SAMD4A: variants seen among roughly 807,000 people sequenced by gnomAD.
SAMD4A encodes the protein protein Smaug homolog 1.
SAMD4A carries 33 observed loss-of-function variants against 81.3 expected under a neutral mutation model. The ratio of observed to expected loss-of-function variants is 0.41; its 90% CI spans 0.31 to 0.54. The LOEUF (loss-of-function observed/expected upper bound fraction) is 0.54, where lower values mean the gene tolerates loss of function less well. Among genes scored for constraint, SAMD4A ranks in the 20% least tolerant of loss-of-function variants. The probability of loss-of-function intolerance (pLI) is 0.37; values close to 1 mark genes in which losing one functional copy is unlikely to be tolerated. For synonymous variants in SAMD4A, 389 were observed against 382.1 expected (o/e 1.02, Z -0.21); for missense variants, 854 against 951.1 (o/e 0.90, Z 1.34).
intron 2 of SAMD4A, among the ~76,000 whole-genome samples, chr14:54,674,846 TC>T (rs1566578182): frequency 6.6e-6 from 1 of 152,156 alleles, no homozygotes; most frequent in African/African-American, 2.4e-5. Flanking sequence ...CTCCTGGAAA[TC>T]AAGTGATCCT....
chr14:54,713,951 T>C (rs2037054983), intron 3 of SAMD4A, among the ~76,000 whole-genome samples: 1 of 152,200 alleles, frequency 6.6e-6, no homozygotes, highest in African/African-American at 2.4e-5. Flanking sequence ...ATCTATAAAA[T>C]GAGAATAAAT....
intron 2 of SAMD4A, among the ~76,000 whole-genome samples, chr14:54,626,049 TGTGTGTGTGTGCGC>T (rs1269598410): frequency 6.9e-4 from 89 of 128,260 alleles, no homozygotes; most frequent in African/African-American, 2.5e-3. Context: ...TGTGTGTGTG[TGTGTGTGTGTGCGC>T]GCGCGCGCGC....
chr14:54,653,129 T>A (rs1162341929), intron 2 of SAMD4A, among the ~76,000 whole-genome samples: 1 of 151,840 alleles, frequency 6.6e-6, no homozygotes, highest in Non-Finnish European at 1.5e-5. Context: ...TCTTTCCCTC[T>A]TACCTTCTCT....
chr14:54,583,289 C>A (rs1487224348), intron 2 of SAMD4A, among the ~76,000 whole-genome samples: 2 of 152,164 alleles, frequency 1.3e-5, no homozygotes, highest in African/African-American at 4.8e-5. Flanking sequence ...CATACTTATA[C>A]CACATATACT....
intron 3 of SAMD4A, among the ~76,000 whole-genome samples, chr14:54,718,550 G>T (rs972523303): frequency 8.2e-5 from 12 of 147,210 alleles, no homozygotes; most frequent in Admixed American, 2.0e-4. Flanking sequence ...GTTTTTTTGG[G>T]TTTTTTGTTG....
intron 2 of SAMD4A, among the ~76,000 whole-genome samples, chr14:54,614,817 C>T (rs540684990): frequency 5.9e-5 from 9 of 152,248 alleles, no homozygotes; most frequent in Non-Finnish European, 1.0e-4. Flanking sequence ...TGTTTTCTCC[C>T]GATTTAGAGA....
At chr14:54,653,665 T>G (rs928631762) in intron 2 of SAMD4A, among the ~76,000 whole-genome samples, 1 of 152,104 alleles carries the variant, frequency 6.6e-6, no homozygotes, top group Non-Finnish European at 1.5e-5. Context: ...TCACTGTCCT[T>G]CTTGACACAT....
intron 11 of SAMD4A, among the ~76,000 whole-genome samples, chr14:54,783,919 G>C (rs1251932204): frequency 6.6e-6 from 1 of 152,218 alleles, no homozygotes; most frequent in Non-Finnish European, 1.5e-5. Flanking sequence ...ACTCAGCGGG[G>C]TCAGGGGAGG....
intron 3 of SAMD4A, among the ~76,000 whole-genome samples, chr14:54,734,610 C>G (rs183627421): frequency 6.6e-6 from 1 of 152,284 alleles, no homozygotes; most frequent in East Asian, 1.9e-4. Context: ...GTTAGGTAAA[C>G]ATTTAGCTCC....
chr14:54,767,333 G>A (rs1463928974), intron 8 of SAMD4A, among the ~76,000 whole-genome samples: 2 of 152,178 alleles, frequency 1.3e-5, no homozygotes, highest in Non-Finnish European at 2.9e-5. Flanking sequence ...AGCAGGGAAG[G>A]TATTGAGTGG....
intron 2 of SAMD4A, among the ~76,000 whole-genome samples, chr14:54,604,823 G>A (rs930855405): frequency 6.6e-6 from 1 of 152,130 alleles, no homozygotes; most frequent in Non-Finnish European, 1.5e-5. Context: ...TAAGATGAAT[G>A]CCCCTGTGCC....
At chr14:54,712,679 G>A (rs570770428) in intron 3 of SAMD4A, among the ~76,000 whole-genome samples, 2 of 152,156 alleles carry the variant, frequency 1.3e-5, no homozygotes, top group Admixed American at 1.3e-4. Context: ...TGTAGTGGGC[G>A]AGAAGCCTGC....
At chr14:54,776,016 A>T (rs922355951) in intron 10 of SAMD4A, among the ~76,000 whole-genome samples, 2 of 37,520 alleles carry the variant, frequency 5.3e-5, no homozygotes, top group East Asian at 1.2e-3. Context: ...TAAGAATCTT[A>T]AAAAAAAAAA....
At chr14:54,781,596 A>G (rs1030589778) in intron 11 of SAMD4A, among the ~76,000 whole-genome samples, 1 of 152,228 alleles carries the variant, frequency 6.6e-6, no homozygotes, top group African/African-American at 2.4e-5. Context: ...GAGGAGGCTC[A>G]GTTAAAGAGG....
At position 54,726,526 on chromosome 14, in the gene SAMD4A, C is replaced by A. The variant is rs1342428701; in HGVS notation, c.716-10498C>A. 2.0e-5 allele frequency among the ~76,000 whole-genome samples: 3 copies of A among 152,102 alleles called. No homozygotes were observed. The East Asian group carries it at 5.8e-4, about 29-fold the overall frequency. On this transcript the variant is annotated intron_variant, in intron 3 of 12. Coordinates refer to ENST00000554335, the MANE Select transcript of SAMD4A (RefSeq NM_015589.6). ...ATGAAAACAAAACAAGATGCTCATT[C>A]TTTTGAGGCATCTTATTAAGACCAG...
intron 2 of SAMD4A, among the ~76,000 whole-genome samples, chr14:54,661,688 T>G (rs913964553): frequency 6.6e-6 from 1 of 152,224 alleles, no homozygotes; most frequent in African/African-American, 2.4e-5. Flanking sequence ...TTCAGCCGAC[T>G]ATTCCCGGAT....
chr14:54,723,823 C>G (rs544101853), intron 3 of SAMD4A, among the ~76,000 whole-genome samples: 1 of 152,300 alleles, frequency 6.6e-6, no homozygotes, highest in Non-Finnish European at 1.5e-5. Flanking sequence ...GCTCACTGTT[C>G]ATTACATGAG....
At chr14:54,632,394 A>T (rs932286272) in intron 2 of SAMD4A, among the ~76,000 whole-genome samples, 2 of 152,204 alleles carry the variant, frequency 1.3e-5, no homozygotes, top group African/African-American at 2.4e-5. Flanking sequence ...AGTAAAATGT[A>T]AATCTCCTAC....
At position 54,594,536 on chromosome 14, in the gene SAMD4A, A is replaced by G. The variant is rs1245106022; in HGVS notation, c.196+26424A>G. The stretch of plus-strand genomic sequence containing the variant: ...TCTCCTGGCTAGAAGTAAGATGATA[A>G]GTACAAACAGCAGGACAGAACTTGT... On this transcript the variant is annotated intron_variant, in intron 2 of 12. Coordinates refer to ENST00000554335, the MANE Select transcript of SAMD4A (RefSeq NM_015589.6). Among the ~76,000 whole-genome samples the G allele has an allele frequency of 2.6e-5, 4 of 152,360 alleles. No homozygotes were observed. In the East Asian group the frequency reaches 7.7e-4, roughly 29 times the overall value.
Sources: allele counts gnomAD v4.1 joint callset (sites outside exome capture counted in the v4.1 genomes callset), GRCh38; gene constraint gnomAD v4.1.1; transcripts MANE v1.5; gene names NCBI Gene and HGNC (gene_info 2026-07-23, HGNC 2026-07-21).